The following QTRT2 variants were observed in gnomAD, a reference collection of about 807,000 sequenced individuals.
QTRT2 encodes queuine tRNA-ribosyltransferase domain containing 1.
Under a neutral mutation model 44.8 loss-of-function variants are expected in QTRT2, and 32 were observed. The observed-to-expected ratio is 0.71, with a 90% CI of 0.54 to 0.96. QTRT2 has a LOEUF of 0.96. Among genes scored for constraint, QTRT2 ranks in the 40% least tolerant of loss-of-function variants. QTRT2 has a pLI of 0.00. For missense variants in QTRT2, 461 were observed against 503.1 expected (o/e 0.92, Z 0.80); for synonymous variants, 182 against 187.4 (o/e 0.97, Z 0.24).
At chr3:114,076,715 T>G in intron 6 of QTRT2, 28 bp from the exon 7 acceptor site, 1 of 1,609,464 alleles carries the variant, frequency 6.2e-7, no homozygotes. Flanking sequence ...TGAAAATGGT[T>G]AAAAACATAT....
chr3:114,069,279 A>T (rs896108230), intron 5 of QTRT2, among the ~76,000 whole-genome samples: 5 of 151,974 alleles, frequency 3.3e-5, no homozygotes, highest in Non-Finnish European at 7.4e-5. Flanking sequence ...GGGTACGTGT[A>T]AACATTGTTA....
At chr3:114,075,720 G>C (rs1337978231) in intron 6 of QTRT2, among the ~76,000 whole-genome samples, 2 of 151,936 alleles carry the variant, frequency 1.3e-5, no homozygotes, top group Non-Finnish European at 2.9e-5. Flanking sequence ...TGTTGGCCAG[G>C]CTGGTCTTGA....
At position 114,076,598 on chromosome 3, in the gene QTRT2, A is replaced by G. The variant is rs74410172; in HGVS notation, c.547-145A>G. The G allele has an allele frequency of 1.4e-3, 972 of 670,574 alleles. 10 individuals are homozygous for G. The African/African-American group carries it at 0.016, about 11-fold the overall frequency. The allele number at this position is 670,574 out of a possible 1,614,324, so 41.5% of individuals were successfully genotyped here. The stretch of plus-strand genomic sequence containing the variant: ...CTCAGAGCCTTAAAGGTTCTTAGGG[A>G]GGAGGGAGCACCATCCCCTTTAATG... On this transcript the variant is annotated intron_variant, in intron 6 of 9. Coordinates refer to ENST00000281273, the MANE Select transcript of QTRT2 (RefSeq NM_024638.4).
intron 4 of QTRT2, 148 bp downstream of exon 4, chr3:114,066,431 A>G (rs2076954984): frequency 6.9e-6 from 4 of 580,252 alleles, no homozygotes; most frequent in Admixed American, 5.9e-5. Context: ...GGCATTGGCA[A>G]GTCAAGATTG....
Position 114,056,838 on chromosome 3 carries a change from T to G in QTRT2, c.-156T>G. 6.5e-7 allele frequency: 1 copy of G among 1,535,784 alleles called. No homozygotes were observed. Among genetic ancestry groups the G allele is most frequent in the Non-Finnish European group, 8.7e-7 (1 of 1,146,732 alleles). ...TGAGGAGTTTGAGGGGTCTGAAGACTGAAAGAGTCGAATGGTTTGTTGGCA... is the reference window on the plus strand; with the variant it reads ...TGAGGAGTTTGAGGGGTCTGAAGACGGAAAGAGTCGAATGGTTTGTTGGCA... On this transcript the variant is annotated 5_prime_UTR_variant, in exon 1 of 10. Coordinates refer to ENST00000281273, the MANE Select transcript of QTRT2 (RefSeq NM_024638.4).
intron 7 of QTRT2, among the ~76,000 whole-genome samples, chr3:114,079,704 G>A (rs1021546733): frequency 2.0e-5 from 3 of 152,180 alleles, no homozygotes; most frequent in Non-Finnish European, 2.9e-5. Context: ...AAATGACAGA[G>A]CTAGGATTCA....
chr3:114,082,596 A>T (rs1028235170), intron 8 of QTRT2, 81 bp from the exon 9 acceptor site: 12 of 566,514 alleles, frequency 2.1e-5, no homozygotes, highest in Non-Finnish European at 3.8e-5. Flanking sequence ...AGATCATGAA[A>T]TAATAACTAA....
At chr3:114,067,930 A>C in intron 4 of QTRT2, 57 bp from the exon 5 acceptor site, 1 of 1,483,892 alleles carries the variant, frequency 6.7e-7, no homozygotes. Flanking sequence ...CCCTGCTATA[A>C]TACAGTGTCA....
At position 114,079,910 on chromosome 3, in the gene QTRT2, A is replaced by T; in HGVS notation, c.751A>T (p.Ile251Leu). The T allele has an allele frequency of 6.2e-7, 1 of 1,613,244 alleles. No individual in the cohort carries two copies. The highest frequency in any genetic ancestry group is 8.5e-7 in the Non-Finnish European group (1 of 1,179,462). Residue 251 changes from isoleucine (I) to leucine (L), a missense_variant, in exon 8 of 10, where the codon ATA becomes TTA. Coordinates refer to ENST00000281273, the MANE Select transcript of QTRT2 (RefSeq NM_024638.4). ...TTCTTATTCTTACTTTTACAGGCTC[A>T]TATCTGGTGTTAGTCGGCCAGATGA... ...AELPEDKPRL[I>L]SGVSRPDEVL...
intron 6 of QTRT2, among the ~76,000 whole-genome samples, chr3:114,074,887 G>A (rs953357827): frequency 2.0e-5 from 3 of 152,102 alleles, no homozygotes; most frequent in Admixed American, 2.0e-4. Flanking sequence ...ATTATCTACT[G>A]CATTCTTTTT....
chr3:114,077,203 G>T (rs1472804579), intron 7 of QTRT2: 11 of 427,694 alleles, frequency 2.6e-5, no homozygotes, highest in African/African-American at 2.2e-4. Flanking sequence ...GTGAGAGCAA[G>T]TATTATACTG....
At chr3:114,068,732 T>C (rs1433774769) in intron 5 of QTRT2, among the ~76,000 whole-genome samples, 1 of 152,230 alleles carries the variant, frequency 6.6e-6, no homozygotes, top group African/African-American at 2.4e-5. Context: ...AGTTTCTATT[T>C]ATTTTGTAGT....
chr3:114,074,472 C>T (rs758576649), intron 6 of QTRT2, among the ~76,000 whole-genome samples: 27 of 152,222 alleles, frequency 1.8e-4, no homozygotes, highest in Non-Finnish European at 3.8e-4. Flanking sequence ...TCTTCATCCA[C>T]ACTGCCACTG....
In QTRT2 at chr3:114,080,012, G is replaced by T; in HGVS notation, c.853G>T (p.Ala285Ser). ...FPYQVTERGCALTFSFDYQPN... is the reference protein window; with the variant it reads ...FPYQVTERGCSLTFSFDYQPN... ...TTATCAAGTAACAGAGCGGGGATGTGCCCTGACTTTCAGTTTTGATTACCA... is the reference window on the plus strand; with the variant it reads ...TTATCAAGTAACAGAGCGGGGATGTTCCCTGACTTTCAGTTTTGATTACCA... The change falls in exon 8 of 10, where the codon GCC becomes TCC. Residue 285 changes from alanine to serine, a missense_variant. By Grantham distance (99) the Ala-to-Ser change is moderately conservative. Coordinates refer to ENST00000281273, the MANE Select transcript of QTRT2 (RefSeq NM_024638.4). The T allele has an allele frequency of 1.2e-6, 2 of 1,612,630 alleles. No homozygotes were observed. The highest frequency in any genetic ancestry group is 1.7e-6 in the Non-Finnish European group (2 of 1,179,342).
intron 2 of QTRT2, among the ~76,000 whole-genome samples, chr3:114,062,468 A>G (rs1034777438): frequency 1.3e-5 from 2 of 151,936 alleles, no homozygotes; most frequent in Admixed American, 6.6e-5. Flanking sequence ...CTAGTCTCAG[A>G]CTGATTACAA....
chr3:114,069,266 C>T (rs904921890), intron 5 of QTRT2, among the ~76,000 whole-genome samples: 5 of 151,290 alleles, frequency 3.3e-5, no homozygotes, highest in Non-Finnish European at 2.9e-5. Flanking sequence ...ATTTTTGTTT[C>T]GGGGGTACGT....
intron 4 of QTRT2, among the ~76,000 whole-genome samples, chr3:114,066,770 G>A (rs1466200335): frequency 6.6e-6 from 1 of 152,200 alleles, no homozygotes; most frequent in Non-Finnish European, 1.5e-5. Context: ...TGGGGCAGAT[G>A]CTGCAGGCAC....
chr3:114,073,922 G>A (rs767543475), intron 6 of QTRT2, among the ~76,000 whole-genome samples: 1 of 152,140 alleles, frequency 6.6e-6, no homozygotes, highest in Admixed American at 6.5e-5. Flanking sequence ...TTCCCTCCCT[G>A]TCTTATTGAC....
chr3:114,060,496 G>GTAGGTAGATAGATAGA (rs74776205), intron 2 of QTRT2, among the ~76,000 whole-genome samples: 5 of 144,450 alleles, frequency 3.5e-5, no homozygotes, highest in African/African-American at 7.9e-5. Context: ...AGGTAGGTAG[G>GTAGGTAGATAGATAGA]TAGATAGATA....
Sources: gnomAD v4.1 joint callset for allele counts (sites outside exome capture counted in the v4.1 genomes callset) on GRCh38, gnomAD v4.1.1 for gene constraint, MANE v1.5 for transcripts, NCBI Gene and HGNC (gene_info 2026-07-23, HGNC 2026-07-21) for gene names.